MPPED2: variants seen among roughly 807,000 people sequenced by gnomAD.
The protein encoded by MPPED2 is metallophosphoesterase MPPED2.
MPPED2 carries 5 observed loss-of-function variants against 33.0 expected under a neutral mutation model. That is an observed-to-expected ratio of 0.15 (90% CI 0.08 to 0.32). The LOEUF is 0.32. MPPED2 is among the 10% of genes least tolerant of loss of function. MPPED2 has a pLI of 1.00. For missense variants in MPPED2, 275 were observed against 372.1 expected, an observed-to-expected ratio of 0.74 and a Z score of 2.15; for synonymous variants, 136 against 141.9, an observed-to-expected ratio of 0.96 and a Z score of 0.29.
chr11:30,456,575 T>C (rs1357420451), intron 4 of MPPED2, among the ~76,000 whole-genome samples: 1 of 152,160 alleles, frequency 6.6e-6, no homozygotes, highest in Non-Finnish European at 1.5e-5. Context: ...TCTGTGTGTG[T>C]GTAGTACAGG....
At chr11:30,401,037 G>A (rs1482723835) in intron 6 of MPPED2, among the ~76,000 whole-genome samples, 1 of 152,176 alleles carries the variant, frequency 6.6e-6, no homozygotes, top group Non-Finnish European at 1.5e-5. Context: ...CCACAGTGCT[G>A]GGATTACAGG....
In MPPED2 at chr11:30,527,829, G is replaced by A. The variant is rs567863095; in HGVS notation, c.310+8165C>T. On this transcript the variant is annotated intron_variant, in intron 3 of 6. Coordinates refer to ENST00000358117, the MANE Select transcript of MPPED2 (RefSeq NM_001584.3). Reference sequence around the variant, plus strand: ...GTCTCTCCAATTCCTGCCCTCCCCAGGAGTAACAGAACCTCAACAACAGAG... The same window carrying A: ...GTCTCTCCAATTCCTGCCCTCCCCAAGAGTAACAGAACCTCAACAACAGAG... Among the ~76,000 whole-genome samples the A allele has an allele frequency of 2.2e-4, 33 of 152,278 alleles. No homozygotes were observed. In the South Asian group the frequency reaches 5.8e-3, roughly 27 times the overall value.
At chr11:30,545,917 C>T (rs1489550871) in intron 2 of MPPED2, among the ~76,000 whole-genome samples, 1 of 152,130 alleles carries the variant, frequency 6.6e-6, no homozygotes, top group Non-Finnish European at 1.5e-5. Context: ...AGGTAGAGTG[C>T]AGTGGCACGG....
intron 2 of MPPED2, among the ~76,000 whole-genome samples, chr11:30,579,829 A>G (rs117863167): frequency 0.14 from 5,667 of 40,252 alleles, 153 homozygotes; most frequent in Middle Eastern, 0.21. Flanking sequence ...GAGGTGTGGG[A>G]AAAAAAAAAA....
At chr11:30,531,367 G>A (rs1052107548) in intron 3 of MPPED2, among the ~76,000 whole-genome samples, 26 of 152,162 alleles carry the variant, frequency 1.7e-4, no homozygotes, top group Non-Finnish European at 2.4e-4. Flanking sequence ...TGTCTGATTA[G>A]CCAGACTGGG....
At chr11:30,384,749 C>T (rs1225087430) in exon 7 of MPPED2, 2 of 152,208 alleles carry the variant, frequency 1.3e-5, no homozygotes, top group African/African-American at 2.4e-5. Flanking sequence ...GCCACCGCGC[C>T]TGGCCAGGAT....
Position 30,495,307 on chromosome 11 carries a change from G to A in MPPED2, c.525C>T (p.Tyr175=), listed in dbSNP as rs148572048. The part of the protein sequence containing the change: ...SEVTVKGFRI[Y]GAPWTPWFNG... ...GAATCATCACTTACCAAGGTGCACC[G>A]TATATCCTGAATCCCTTCACTGTTA... Residue 175 remains tyrosine (Y), a synonymous_variant, in exon 4 of 7, where the codon TAC becomes TAT. Coordinates refer to ENST00000358117, the MANE Select transcript of MPPED2 (RefSeq NM_001584.3). 1.3e-4 allele frequency: 212 copies of A among 1,611,018 alleles called. 1 individual carries two copies. Among genetic ancestry groups the A allele is most frequent in the Middle Eastern group, 1.7e-4 (1 of 6,056 alleles).
intron 4 of MPPED2, among the ~76,000 whole-genome samples, chr11:30,450,301 T>C (rs1341289574): frequency 6.6e-6 from 1 of 152,254 alleles, no homozygotes; most frequent in Non-Finnish European, 1.5e-5. Context: ...CCAAGAGTCC[T>C]ACTCCTTGTC....
At chr11:30,428,880 A>G (rs1411226759) in intron 4 of MPPED2, 1 of 152,212 alleles carries the variant, frequency 6.6e-6, no homozygotes, top group African/African-American at 2.4e-5. Context: ...TATAGATATT[A>G]ATATCACCAA....
At chr11:30,500,465 A>G (rs1488424612) in intron 3 of MPPED2, among the ~76,000 whole-genome samples, 1 of 152,192 alleles carries the variant, frequency 6.6e-6, no homozygotes, top group Non-Finnish European at 1.5e-5. Flanking sequence ...AACTATTACA[A>G]TTTAAACTGT....
chr11:30,452,211 T>TG, intron 4 of MPPED2: 3 of 437,530 alleles, frequency 6.9e-6, no homozygotes, highest in Non-Finnish European at 9.1e-6. Context: ...CACCCAGCAC[T>TG]CTGGCTGCAC....
intron 3 of MPPED2, among the ~76,000 whole-genome samples, chr11:30,502,831 G>T (rs1388581083): frequency 6.6e-6 from 1 of 152,106 alleles, no homozygotes; most frequent in Non-Finnish European, 1.5e-5. Context: ...CTCCTCTCTA[G>T]CTTGCCCCTC....
At chr11:30,548,812 G>T (rs1050964443) in intron 2 of MPPED2, among the ~76,000 whole-genome samples, 11 of 152,152 alleles carry the variant, frequency 7.2e-5, no homozygotes, top group Non-Finnish European at 1.5e-4. Context: ...TTACAAAGAG[G>T]TTAATTCCCA....
intron 4 of MPPED2, among the ~76,000 whole-genome samples, chr11:30,493,356 A>G (rs911919432): frequency 1.7e-4 from 26 of 149,584 alleles, no homozygotes; most frequent in Admixed American, 1.0e-3. Flanking sequence ...GGGCGACAGA[A>G]CGAGACTCCG....
chr11:30,422,392 G>A (rs35107281), intron 4 of MPPED2, among the ~76,000 whole-genome samples: 4,107 of 152,254 alleles, frequency 0.027, 93 homozygotes, highest in Admixed American at 0.063. Flanking sequence ...TCCATGTTCT[G>A]AGTAACTGCA....
chr11:30,386,503 G>A, exon 7 of MPPED2: 1 of 367,070 alleles, frequency 2.7e-6, no homozygotes, highest in Non-Finnish European at 4.8e-6. Context: ...CAGGTGTTAG[G>A]CTTGCAGAAC....
intron 2 of MPPED2, among the ~76,000 whole-genome samples, chr11:30,536,540 T>C (rs1305404455): frequency 6.6e-6 from 1 of 152,184 alleles, no homozygotes; most frequent in African/African-American, 2.4e-5. Context: ...CATGCTCCAA[T>C]TGATCCCACT....
At chr11:30,545,194 G>A (rs1458733) in intron 2 of MPPED2, among the ~76,000 whole-genome samples, 1,748 of 152,244 alleles carry the variant, frequency 0.011, 29 homozygotes, top group African/African-American at 0.04. Flanking sequence ...AGGGAAAGCT[G>A]AATTTTAGGA....
At chr11:30,530,866 G>C (rs187607889) in intron 3 of MPPED2, among the ~76,000 whole-genome samples, 1 of 152,320 alleles carries the variant, frequency 6.6e-6, no homozygotes, top group East Asian at 1.9e-4. Context: ...CAGGGCCAAC[G>C]TGCAGGAAGA....
Sources: allele counts gnomAD v4.1 joint callset (sites outside exome capture counted in the v4.1 genomes callset), GRCh38; gene constraint gnomAD v4.1.1; transcripts MANE v1.5; gene names NCBI Gene and HGNC (gene_info 2026-07-23, HGNC 2026-07-21).